CCDC88A: variants seen among roughly 807,000 people sequenced by gnomAD.
CCDC88A encodes girdin.
A neutral mutation model predicts 234.3 loss-of-function variants in CCDC88A; 54 were observed. That is an observed-to-expected ratio of 0.23 (90% CI 0.19 to 0.29). The LOEUF is 0.29. CCDC88A is among the 10% of genes least tolerant of loss of function. The pLI is 1.00. For synonymous variants in CCDC88A, 753 were observed against 737.8 expected (o/e 1.02, Z -0.33); for missense variants, 1,832 against 2,123.4 (o/e 0.86, Z 2.70).
chr2:55,360,964 C>A (rs2104780999), intron 7 of CCDC88A, among the ~76,000 whole-genome samples: 1 of 152,276 alleles, frequency 6.6e-6, no homozygotes, highest in African/African-American at 2.4e-5. Flanking sequence ...TGGCGCGTGC[C>A]TGTAATCCCA....
chr2:55,343,681 C>G lies in CCDC88A; in HGVS notation c.1300G>C (p.Glu434Gln). 6.2e-7 allele frequency: 1 copy of G among 1,611,014 alleles called. No homozygotes were observed. Among genetic ancestry groups the G allele is most frequent in the Non-Finnish European group, 8.5e-7 (1 of 1,178,590 alleles). Residue 434 changes from glutamate to glutamine, a missense_variant, in exon 12 of 33, where the codon GAA (glutamate) becomes CAA (glutamine). Glu to Gln is a conservative substitution (Grantham distance 29). Around this residue, in one of 6 missense-constraint regions of CCDC88A, gnomAD observed 1,282 missense variants for 1,543.6 expected, o/e 0.83. Coordinates refer to ENST00000436346, the MANE Select transcript of CCDC88A (RefSeq NM_001365480.1). Reference sequence around the variant, plus strand: ...AGTTCACTAGTTCTGGATATCTGTTCCAGTTCCCAGCCAAGATGTAATGAT... The same window carrying G: ...AGTTCACTAGTTCTGGATATCTGTTGCAGTTCCCAGCCAAGATGTAATGAT... ...DESLHLGWEL[E>Q]QISRTSELSE... is the part of the protein sequence containing the mutation.
chr2:55,384,324 C>CA (rs112541690), intron 3 of CCDC88A, among the ~76,000 whole-genome samples: 74,134 of 132,492 alleles, frequency 0.56, 21,136 homozygotes, highest in Admixed American at 0.65. Context: ...AACTCCATCT[C>CA]AAAAAAAAAA....
At chr2:55,321,611 G>A (rs1380816684) in intron 18 of CCDC88A, among the ~76,000 whole-genome samples, 1 of 151,834 alleles carries the variant, frequency 6.6e-6, no homozygotes, top group Non-Finnish European at 1.5e-5. Flanking sequence ...AGTAAATTAT[G>A]GTAACATTCA....
At chr2:55,405,448 C>T (rs1040869216) in intron 2 of CCDC88A, 3 of 152,244 alleles carry the variant, frequency 2.0e-5, no homozygotes, top group African/African-American at 4.8e-5. Context: ...AGAAAAAAAG[C>T]AACCTAATAA....
chr2:55,337,572 T>A (rs1039621702), intron 13 of CCDC88A: 9 of 152,180 alleles, frequency 5.9e-5, no homozygotes, highest in African/African-American at 2.2e-4. Context: ...TTTTAATTTT[T>A]CTATTTTAAC....
chr2:55,297,313 TAA>T, intron 29 of CCDC88A: 1 of 106,596 alleles, frequency 9.4e-6, no homozygotes, highest in Admixed American at 1.4e-4. Flanking sequence ...TAATTATATA[TAA>T]ATATATAATA....
At position 55,302,907 on chromosome 2, in the gene CCDC88A, G is replaced by C. The variant is rs1354574666; in HGVS notation, c.4471+162C>G. Reference sequence around the variant, plus strand: ...TGGACATATACATAATGCAAATTCAGTGCCACTTGAAAAAAAAAATTCTTC... The same window carrying C: ...TGGACATATACATAATGCAAATTCACTGCCACTTGAAAAAAAAAATTCTTC... On this transcript the variant is annotated intron_variant, in intron 26 of 32. Coordinates refer to ENST00000436346, the MANE Select transcript of CCDC88A (RefSeq NM_001365480.1). 4 of 558,536 alleles carry C rather than the reference G, an allele frequency of 7.2e-6. No homozygotes were observed. The East Asian group carries it at 8.8e-5, about 12-fold the overall frequency. 34.6% of individuals were successfully genotyped at this position (558,536 alleles called of 1,614,324 possible). A position where few individuals can be genotyped will look rare whatever the true frequency, so the allele number is the denominator to read the frequency against.
chr2:55,371,717 C>T (rs1315709595), intron 5 of CCDC88A, among the ~76,000 whole-genome samples: 1 of 152,110 alleles, frequency 6.6e-6, no homozygotes, highest in African/African-American at 2.4e-5. Context: ...AACTCCTGGC[C>T]TCAAGTGATC....
In CCDC88A at chr2:55,301,993, A is replaced by G; in HGVS notation, c.4551T>C (p.Asp1517=). The change falls in exon 27 of 33, where the codon GAT becomes GAC. Residue 1517 remains aspartate, a synonymous_variant. Transcript: ENST00000436346. ...CTTTTCTCCTTTTACCCGTTGAAAT[A>G]TCATCAGGAACCTCCAAATTCTCAG... ...GSTENLEVPD[D]ISTGKRRKEL... is the part of the protein sequence containing the mutation. The G allele has an allele frequency of 6.2e-7, 1 of 1,614,080 alleles. No homozygotes were observed. The highest frequency in any genetic ancestry group is 8.5e-7 in the Non-Finnish European group (1 of 1,179,906).
At chr2:55,415,388 G>GA (rs1681194318) in intron 2 of CCDC88A, among the ~76,000 whole-genome samples, 2 of 151,776 alleles carry the variant, frequency 1.3e-5, no homozygotes, top group African/African-American at 4.8e-5. Context: ...ACAACTGGGG[G>GA]GAAAAAAAGA....
At chr2:55,373,402 C>T (rs974929664) in intron 4 of CCDC88A, among the ~76,000 whole-genome samples, 1 of 152,200 alleles carries the variant, frequency 6.6e-6, no homozygotes, top group Non-Finnish European at 1.5e-5. Flanking sequence ...ATCCTAGGCA[C>T]AGCTCTTATC....
chr2:55,307,500 C>G (rs1289809661), intron 25 of CCDC88A, among the ~76,000 whole-genome samples: 1 of 150,894 alleles, frequency 6.6e-6, no homozygotes, highest in Non-Finnish European at 1.5e-5. Flanking sequence ...GGATTATAGG[C>G]ATGCACCACA....
Position 55,297,313 on chromosome 2 carries a change from T to A in CCDC88A, c.4826-790A>T, listed in dbSNP as rs1297431319. On this transcript the variant is annotated intron_variant, in intron 29 of 32. Transcript: ENST00000436346. Reference sequence around the variant, plus strand: ...TATATAATTTATATATAATTATATATAAATATATAATATATAATATATAAA... The same window carrying A: ...TATATAATTTATATATAATTATATAAAAATATATAATATATAATATATAAA... 5 of 106,596 alleles carry A rather than the reference T, an allele frequency of 4.7e-5. No homozygotes were observed. In the Admixed American group the frequency reaches 7.0e-4, roughly 15 times the overall value. 6.6% of individuals were successfully genotyped at this position (106,596 alleles called of 1,614,324 possible).
At position 55,332,684 on chromosome 2, in the gene CCDC88A, T is replaced by A; in HGVS notation, c.2737A>T (p.Ser913Cys). 6.2e-7 allele frequency: 1 copy of A among 1,612,578 alleles called. No individual in the cohort carries two copies. Among genetic ancestry groups the A allele is most frequent in the Non-Finnish European group, 8.5e-7 (1 of 1,179,252 alleles). The part of the protein sequence containing the change: ...TLVTLREDLV[S>C]EKLKTQQMNN... The stretch of plus-strand genomic sequence containing the variant: ...ATCTGTTGGGTCTTCAACTTTTCAC[T>A]CACCAAATCCTTATTTTAAAAGAAA... Residue 913 changes from serine (S) to cysteine (C), a missense_variant, in exon 16 of 33, where the codon AGT becomes TGT. Coordinates refer to ENST00000436346, the MANE Select transcript of CCDC88A (RefSeq NM_001365480.1). The surrounding 1 kb of genome is among the most constrained non-coding windows in gnomAD (Gnocchi z 4.5).
intron 5 of CCDC88A, among the ~76,000 whole-genome samples, chr2:55,366,534 TACACACACACACACAC>T (rs201666406): frequency 1.0e-4 from 13 of 127,730 alleles, no homozygotes; most frequent in Middle Eastern, 3.8e-3. Flanking sequence ...CACACACACA[TACACACACACACACAC>T]ACACACACAC....
At chr2:55,342,901 T>C (rs1668683607) in intron 12 of CCDC88A, among the ~76,000 whole-genome samples, 1 of 152,114 alleles carries the variant, frequency 6.6e-6, no homozygotes, top group East Asian at 1.9e-4. Flanking sequence ...TAGAACAATC[T>C]AATACTGGGC....
At chr2:55,369,336 A>G (rs1157899488) in intron 5 of CCDC88A, among the ~76,000 whole-genome samples, 2 of 151,838 alleles carry the variant, frequency 1.3e-5, no homozygotes, top group African/African-American at 4.8e-5. Context: ...TCTGGCCTGA[A>G]ATCTGAACTC....
At chr2:55,356,347 G>C (rs1177825271) in intron 7 of CCDC88A, 2 of 151,896 alleles carry the variant, frequency 1.3e-5, no homozygotes, top group Non-Finnish European at 2.9e-5. Flanking sequence ...TTTCATGGCT[G>C]CATAGTATCC....
At chr2:55,391,746 C>G (rs1277994337) in intron 2 of CCDC88A, among the ~76,000 whole-genome samples, 15 of 152,054 alleles carry the variant, frequency 9.9e-5, no homozygotes, top group Admixed American at 9.8e-4. Context: ...GGAGAAAAAG[C>G]TGAAATGAAT....
Sources: allele counts gnomAD v4.1 joint callset (sites outside exome capture counted in the v4.1 genomes callset), GRCh38; gene constraint gnomAD v4.1.1; regional missense constraint gnomAD v4.1.1; non-coding constraint Gnocchi (gnomAD v3.1); transcripts MANE v1.5; gene names NCBI Gene and HGNC (gene_info 2026-07-23, HGNC 2026-07-21).